Variants in PCNX2 observed in about 807,000 individuals in gnomAD.
PCNX2 encodes pecanex-like protein 2.
A neutral mutation model predicts 223.8 loss-of-function variants in PCNX2; 168 were observed. The observed-to-expected ratio is 0.75, with a 90% confidence interval of 0.66 to 0.85. The LOEUF (loss-of-function observed/expected upper bound fraction) is 0.85. Among genes scored for constraint, PCNX2 ranks in the 40% least tolerant of loss-of-function variants. PCNX2 has a pLI of 0.00. For missense variants in PCNX2, 2,507 were observed against 2,675.5 expected (o/e 0.94, Z 1.39); for synonymous variants, 1,006 against 1,052.6 (o/e 0.96, Z 0.86).
At chr1:233,324,598 A>ATTTTTT in the PCNX2 span, among the ~76,000 whole-genome samples, 2 of 127,544 alleles carry the variant, frequency 1.6e-5, no homozygotes, top group Non-Finnish European at 1.6e-5. Flanking sequence ...GTTTACTGAA[A>ATTTTTT]TTTTTTTTTT....
intron 19 of PCNX2, among the ~76,000 whole-genome samples, chr1:233,155,922 C>T (rs1678093501): frequency 6.6e-6 from 1 of 152,080 alleles, no homozygotes; most frequent in Non-Finnish European, 1.5e-5. Context: ...ATGCAGTTGC[C>T]TATTGTGCTG....
chr1:233,114,552 G>A (rs184869955), intron 21 of PCNX2, among the ~76,000 whole-genome samples: 21 of 152,294 alleles, frequency 1.4e-4, no homozygotes, highest in Non-Finnish European at 1.5e-4. Flanking sequence ...AGACTTCAGA[G>A]ACGTTTGGTT....
At chr1:233,090,820 T>C (rs184705021) in intron 22 of PCNX2, among the ~76,000 whole-genome samples, 102 of 152,352 alleles carry the variant, frequency 6.7e-4, no homozygotes, top group African/African-American at 2.4e-3. Context: ...CATTCTTATA[T>C]GAGTTTCTCA....
intron 1 of PCNX2, among the ~76,000 whole-genome samples, chr1:233,285,491 T>C (rs1661403860): frequency 6.6e-6 from 1 of 151,632 alleles, no homozygotes. Context: ...CTGGCCAATA[T>C]GGTGAAACCC....
intron 19 of PCNX2, among the ~76,000 whole-genome samples, chr1:233,154,705 G>T (rs1403082408): frequency 6.6e-6 from 1 of 152,168 alleles, no homozygotes. Context: ...AATGATACAT[G>T]AAATTAATTG....
chr1:233,276,697 A>G (rs1660932368), intron 1 of PCNX2, among the ~76,000 whole-genome samples: 1 of 152,178 alleles, frequency 6.6e-6, no homozygotes. Context: ...CATCCATGCA[A>G]CGTGTTCACT....
chr1:233,321,641 A>G, the PCNX2 span, among the ~76,000 whole-genome samples: 1 of 152,294 alleles, frequency 6.6e-6, no homozygotes, highest in East Asian at 1.9e-4. Context: ...GGTGTGCAGA[A>G]ATGCTTTATA....
chr1:233,046,958 C>A, intron 25 of PCNX2, among the ~76,000 whole-genome samples: 1 of 152,220 alleles, frequency 6.6e-6, no homozygotes, highest in East Asian at 1.9e-4. Flanking sequence ...GTCCAGGAAG[C>A]TGGGCTGTAA....
intron 9 of PCNX2, among the ~76,000 whole-genome samples, chr1:233,230,350 T>C (rs1056453578): frequency 2.6e-5 from 4 of 152,114 alleles, no homozygotes; most frequent in African/African-American, 9.7e-5. Flanking sequence ...CAGTGGAGTC[T>C]GAGAAGGAGT....
intron 33 of PCNX2, chr1:232,985,163 C>G (rs2102771284): frequency 6.6e-6 from 1 of 152,350 alleles, no homozygotes; most frequent in African/African-American, 2.4e-5. Context: ...AAGGTGGCAC[C>G]CATGGCTGCA....
intron 19 of PCNX2, among the ~76,000 whole-genome samples, chr1:233,143,889 C>T (rs756836824): frequency 6.6e-6 from 1 of 152,096 alleles, no homozygotes; most frequent in Non-Finnish European, 1.5e-5. Flanking sequence ...AATGATCCCC[C>T]ATTCTCCTGC....
chr1:233,033,924 G>T (rs889114798), intron 25 of PCNX2, among the ~76,000 whole-genome samples: 2 of 152,018 alleles, frequency 1.3e-5, no homozygotes, highest in Admixed American at 6.6e-5. Flanking sequence ...GTATTAGAAG[G>T]TGGGGCTGGC....
At chr1:233,209,646 C>T (rs766187179) in intron 12 of PCNX2, among the ~76,000 whole-genome samples, 30 of 152,172 alleles carry the variant, frequency 2.0e-4, no homozygotes, top group African/African-American at 6.8e-4. Context: ...TAATAGAAAT[C>T]GTCCTATTCT....
At chr1:233,021,976 G>C (rs1399244692) in intron 26 of PCNX2, among the ~76,000 whole-genome samples, 1 of 152,146 alleles carries the variant, frequency 6.6e-6, no homozygotes, top group African/African-American at 2.4e-5. Flanking sequence ...GAACCTCCAA[G>C]GCCTCTGTAA....
At chr1:233,047,416 G>C in intron 25 of PCNX2, 1 of 984,954 alleles carries the variant, frequency 1.0e-6, no homozygotes, top group African/African-American at 1.7e-5. Flanking sequence ...GGTTAAGTTT[G>C]CAAAAAGAAG....
chr1:233,272,298 A>G (rs1660678643), intron 1 of PCNX2, among the ~76,000 whole-genome samples: 1 of 151,830 alleles, frequency 6.6e-6, no homozygotes, highest in Non-Finnish European at 1.5e-5. Flanking sequence ...TAGCAAGAAA[A>G]AAAAAAAAAC....
intron 1 of PCNX2, among the ~76,000 whole-genome samples, chr1:233,278,144 A>G (rs1661009066): frequency 6.6e-6 from 1 of 151,986 alleles, no homozygotes; most frequent in Non-Finnish European, 1.5e-5. Context: ...CTTTGTGTCT[A>G]CTCTTTGTGT....
At chr1:233,241,102 C>T (rs1423958838) in intron 8 of PCNX2, 1 of 892,958 alleles carries the variant, frequency 1.1e-6, no homozygotes, top group East Asian at 1.2e-4. Flanking sequence ...GGATGTTTAA[C>T]TAAAGCAGCA....
At chr1:233,120,164 CAAAAAAA>C (rs1228898502) in intron 21 of PCNX2, among the ~76,000 whole-genome samples, 24 of 42,654 alleles carry the variant, frequency 5.6e-4, no homozygotes, top group Admixed American at 1.3e-3. Context: ...GACTCCATTT[CAAAAAAA>C]AAAAAAAAAA....
Sources: gnomAD v4.1 joint callset for allele counts (sites outside exome capture counted in the v4.1 genomes callset) on GRCh38, gnomAD v4.1.1 for gene constraint, MANE v1.5 for transcripts, NCBI Gene and HGNC (gene_info 2026-07-23, HGNC 2026-07-21) for gene names.